The following IGSF10 variants were observed in gnomAD, a reference collection of about 807,000 sequenced individuals.
The protein encoded by IGSF10 is immunoglobulin superfamily member 10.
In IGSF10, 126 loss-of-function variants were observed where a neutral mutation model predicts 128.2. That is an observed-to-expected ratio of 0.98 (90% CI 0.85 to 1.14). The LOEUF is 1.14. IGSF10 is among the 50% of genes most tolerant of loss of function. The probability of loss-of-function intolerance (pLI) is 0.00; values close to 1 mark genes in which losing one functional copy is unlikely to be tolerated. For synonymous variants in IGSF10, 1,185 were observed against 1,146.2 expected (o/e 1.03, Z -0.68); for missense variants, 3,295 against 3,149.8 (o/e 1.05, Z -1.10).
the IGSF10 span, among the ~76,000 whole-genome samples, chr3:151,617,482 G>T: frequency 6.6e-6 from 1 of 151,500 alleles, no homozygotes; most frequent in African/African-American, 2.4e-5. Context: ...TGTATTTTTG[G>T]AAGTAGATAA....
chr3:151,598,331 A>G, the IGSF10 span, among the ~76,000 whole-genome samples: 1 of 151,878 alleles, frequency 6.6e-6, no homozygotes, highest in Non-Finnish European at 1.5e-5. Flanking sequence ...TTTAGCTATA[A>G]TTGTGCTTCC....
Position 151,446,992 on chromosome 3 carries a change from G to A in IGSF10, c.2989C>T (p.Pro997Ser), listed in dbSNP as rs770112169. Residue 997 changes from proline to serine, a missense_variant, in exon 6 of 8, where the codon CCT becomes TCT. Transcript: ENST00000282466. The part of the protein sequence containing the change: ...HTAAHSQFPI[P>S]RNSTVNIPLF... ...GGGATGTTAACTGTACTATTTCTAG[G>A]GATCGGAAACTGAGAATGAGCAGCT... 14 of 1,614,152 alleles carry A rather than the reference G, an allele frequency of 8.7e-6. No individual in the cohort carries two copies. In the South Asian group the frequency reaches 1.5e-4, roughly 18 times the overall value.
upstream of IGSF10, among the ~76,000 whole-genome samples, chr3:151,466,057 C>G (rs62284467): frequency 6.6e-6 from 1 of 151,996 alleles, no homozygotes; most frequent in Non-Finnish European, 1.5e-5. Context: ...TTTCTGACCA[C>G]GAGGCATCCC....
the IGSF10 span, among the ~76,000 whole-genome samples, chr3:151,618,482 A>G: frequency 1.3e-5 from 2 of 152,026 alleles, no homozygotes; most frequent in Admixed American, 1.3e-4. Flanking sequence ...TGTAATCCCA[A>G]CACTTTGGGA....
At chr3:151,516,432 C>A in the IGSF10 span, among the ~76,000 whole-genome samples, 1 of 152,034 alleles carries the variant, frequency 6.6e-6, no homozygotes, top group Non-Finnish European at 1.5e-5. Context: ...GTGGGGTATA[C>A]TTTAACCTGT....
chr3:151,569,696 A>G, the IGSF10 span, among the ~76,000 whole-genome samples: 1 of 152,164 alleles, frequency 6.6e-6, no homozygotes, highest in Admixed American at 6.6e-5. Flanking sequence ...ATTTGTGAAT[A>G]TATTTTCAAT....
At chr3:151,440,725 C>T (rs1285571050) in intron 7 of IGSF10, 1 of 443,098 alleles carries the variant, frequency 2.3e-6, no homozygotes, top group Non-Finnish European at 4.6e-6. Flanking sequence ...GTCTGAGTCT[C>T]ACCTCCAGAA....
the IGSF10 span, among the ~76,000 whole-genome samples, chr3:151,533,059 C>G: frequency 6.6e-6 from 1 of 152,172 alleles, no homozygotes; most frequent in Non-Finnish European, 1.5e-5. Flanking sequence ...AACTCCCATT[C>G]ACAACTGCTA....
the IGSF10 span, among the ~76,000 whole-genome samples, chr3:151,578,268 C>A: frequency 8.5e-5 from 13 of 152,100 alleles, no homozygotes; most frequent in Non-Finnish European, 1.6e-4. Context: ...CAAACTTATT[C>A]CTGAAAGGCC....
rs766924796 is a variant in IGSF10, at chr3:151,446,446, A to G, written c.3535T>C (p.Ser1179Pro). The G allele has an allele frequency of 6.2e-7, 1 of 1,614,068 alleles. No individual in the cohort carries two copies. Among genetic ancestry groups the G allele is most frequent in the Non-Finnish European group, 8.5e-7 (1 of 1,180,006 alleles). Residue 1179 changes from serine (S) to proline (P), a missense_variant, in exon 6 of 8, where the codon TCG becomes CCG. Transcript: ENST00000282466. ...TTGGTGATAGCACCTGAAAGTGACG[A>G]TGTAATCACTGAATCTCTTTTAGCT... ...NEAKRDSVIT[S>P]SLSGAITKPP...
chr3:151,543,011 A>T, the IGSF10 span, among the ~76,000 whole-genome samples: 2 of 152,226 alleles, frequency 1.3e-5, no homozygotes, highest in African/African-American at 4.8e-5. Context: ...TTTTGTTCAA[A>T]AATGATTCAG....
the IGSF10 span, among the ~76,000 whole-genome samples, chr3:151,607,450 G>A: frequency 2.0e-5 from 3 of 152,028 alleles, no homozygotes; most frequent in Non-Finnish European, 2.9e-5. Flanking sequence ...CACCTTGGGC[G>A]TTTAAATGAT....
At chr3:151,455,655 C>T (rs1054977526) in intron 4 of IGSF10, among the ~76,000 whole-genome samples, 1 of 152,274 alleles carries the variant, frequency 6.6e-6, no homozygotes, top group East Asian at 1.9e-4. Flanking sequence ...GCCCTTCATT[C>T]CTTTCTTTGC....
At chr3:151,550,977 C>T in the IGSF10 span, among the ~76,000 whole-genome samples, 1 of 152,150 alleles carries the variant, frequency 6.6e-6, no homozygotes, top group Non-Finnish European at 1.5e-5. Context: ...GGCTCTCACT[C>T]CTTGTAATGG....
At chr3:151,551,702 T>C in the IGSF10 span, among the ~76,000 whole-genome samples, 138 of 148,638 alleles carry the variant, frequency 9.3e-4, no homozygotes, top group African/African-American at 3.2e-3. Context: ...CACACACACA[T>C]CTGAAGGCAT....
chr3:151,434,325 A>C (rs1217160036), downstream of IGSF10: 2 of 152,158 alleles, frequency 1.3e-5, no homozygotes, highest in Non-Finnish European at 2.9e-5. Flanking sequence ...CTCATTGCAA[A>C]GTTTGACTCA....
rs189772492 is a variant in IGSF10 at position 151,442,403 on chromosome 3, A to G, written c.5963+581T>C. 4.3e-3 allele frequency among the ~76,000 whole-genome samples: 526 copies of G among 123,578 alleles called. 3 individuals are homozygous for G. The highest frequency in any genetic ancestry group is 0.018 in the African/African-American group (500 of 28,362). The allele number at this position is 123,578 out of a possible 152,430, so 81.1% of individuals were successfully genotyped here. On this transcript the variant is annotated intron_variant, in intron 7 of 7. Coordinates refer to ENST00000282466, the MANE Select transcript of IGSF10 (RefSeq NM_178822.5). ...CTATTTTTTTTTTTTTTTTTGAGAC[A>G]AAGTCTCACTCTGTTGCCTAGGCTG...
downstream of IGSF10, chr3:151,432,826 G>A: frequency 6.3e-7 from 1 of 1,597,866 alleles, no homozygotes; most frequent in South Asian, 1.1e-5. Context: ...GAGAAGACAT[G>A]ACGTTTTATG....
At chr3:151,460,842 A>C (rs1577679750) in intron 1 of IGSF10, 104 bp downstream of exon 1, 14 of 456,494 alleles carry the variant, frequency 3.1e-5, no homozygotes, top group Non-Finnish European at 3.9e-5. Flanking sequence ...TCCCCGCCCC[A>C]GCGCCCGCTT....
Sources: gnomAD v4.1 joint callset for allele counts (sites outside exome capture counted in the v4.1 genomes callset) on GRCh38, gnomAD v4.1.1 for gene constraint, MANE v1.5 for transcripts, NCBI Gene and HGNC (gene_info 2026-07-23, HGNC 2026-07-21) for gene names.